Variants in OCRL observed in about 807,000 individuals in gnomAD.
OCRL encodes the protein OCRL inositol polyphosphate-5-phosphatase.
A neutral mutation model predicts 78.9 loss-of-function variants in OCRL; 8 were observed. That is an observed-to-expected ratio of 0.10 (90% CI 0.06 to 0.18). OCRL has a LOEUF of 0.18. OCRL is among the 10% of genes least tolerant of loss of function. The probability of loss-of-function intolerance (pLI) is 1.00; values close to 1 mark genes in which losing one functional copy is unlikely to be tolerated. For missense variants in OCRL, 454 were observed against 696.7 expected (o/e 0.65, Z 3.92); for synonymous variants, 240 against 235.4 (o/e 1.02, Z -0.18).
intron 18 of OCRL, among the ~76,000 whole-genome samples, chrX:129,583,693 T>C (rs947563099): frequency 1.4e-4 from 16 of 111,585 alleles, no homozygotes; most frequent in African/African-American, 4.6e-4. Flanking sequence ...GATACCTTCT[T>C]ACCTATCCCC....
At position 129,575,124 on chromosome X, in the gene OCRL, A is replaced by T. The variant is rs755693014; in HGVS notation, c.1603-16A>T. The T allele has an allele frequency of 8.1e-6, 9 of 1,109,174 alleles. No individual in the cohort carries two copies. In the African/African-American group the frequency reaches 1.3e-4, roughly 16 times the overall value. The allele number at this position is 1,109,174 out of a possible 1,213,427, so 91.4% of individuals were successfully genotyped here. ...AGAAGGATATAAGACTGAAAAGAGG[A>T]TACATTTTCTTTCAGGTGAAGGTTG... On this transcript the variant is annotated splice_polypyrimidine_tract_variant and intron_variant, in intron 15 of 23. Coordinates refer to ENST00000371113, the MANE Select transcript of OCRL (RefSeq NM_000276.4).
At chrX:129,555,431 G>A (rs1182190872) in intron 4 of OCRL, among the ~76,000 whole-genome samples, 1 of 111,589 alleles carries the variant, frequency 9.0e-6, no homozygotes, top group Admixed American at 9.5e-5. Context: ...CCGAGATCAC[G>A]CCACTGTGTT....
intron 9 of OCRL, 35 bp downstream of exon 9, chrX:129,560,686 A>G (rs1391552632): frequency 2.1e-6 from 2 of 957,151 alleles, no homozygotes; most frequent in East Asian, 3.1e-5. Context: ...TTTTGGCTAT[A>G]TGTTTGGTGT....
chrX:129,543,364 T>C (rs1441128036), intron 2 of OCRL, among the ~76,000 whole-genome samples: 1 of 113,017 alleles, frequency 8.8e-6, no homozygotes, highest in Admixed American at 9.3e-5. Flanking sequence ...GAAGCTTTAA[T>C]GCTAATGTTC....
intron 13 of OCRL, among the ~76,000 whole-genome samples, chrX:129,566,224 G>A (rs917816915): frequency 8.9e-6 from 1 of 111,996 alleles, no homozygotes; most frequent in Non-Finnish European, 1.9e-5. Flanking sequence ...CAGCTATGTT[G>A]ATGTGGTTTG....
chrX:129,552,890 A>C (rs764807778), intron 4 of OCRL, among the ~76,000 whole-genome samples: 1 of 112,725 alleles, frequency 8.9e-6, no homozygotes, highest in Non-Finnish European at 1.9e-5. Context: ...TACAGTAGCC[A>C]CTGGCTACAT....
rs1312303778 is a variant in OCRL, at chrX:129,591,559, C to G, written c.*1289C>G. On this transcript the variant is annotated 3_prime_UTR_variant, in exon 24 of 24. Coordinates refer to ENST00000371113, the MANE Select transcript of OCRL (RefSeq NM_000276.4). ...CACCAACCACTGACTGCAAAACTGC[C>G]TGATGCAGTTGGGTTCCTCCTGGTT... is the stretch of plus-strand genomic sequence containing the variant. The G allele has an allele frequency of 8.9e-6, 1 of 112,216 alleles. No homozygotes were observed. Among genetic ancestry groups the G allele is most frequent in the African/African-American group, 3.3e-5 (1 of 30,736 alleles). 9.2% of individuals were successfully genotyped at this position (112,216 alleles called of 1,213,427 possible). A position where few individuals can be genotyped will look rare whatever the true frequency, so the allele number is the denominator to read the frequency against.
intron 15 of OCRL, among the ~76,000 whole-genome samples, chrX:129,569,792 C>T (rs1936272587): frequency 9.4e-6 from 1 of 106,797 alleles, no homozygotes; most frequent in Non-Finnish European, 1.9e-5. Flanking sequence ...ACAGCCAACT[C>T]TGTATATTGT....
intron 12 of OCRL, among the ~76,000 whole-genome samples, chrX:129,564,775 G>A (rs1250106128): frequency 9.1e-6 from 1 of 110,484 alleles, no homozygotes; most frequent in South Asian, 3.9e-4. Flanking sequence ...AATGCTAAAT[G>A]ACGAGTTAAT....
At position 129,591,075 on chromosome X, in the gene OCRL, T is replaced by C. The variant is rs199840810; in HGVS notation, c.*805T>C. 2 of 113,568 alleles carry C rather than the reference T, an allele frequency of 1.8e-5. No individual in the cohort carries two copies. The highest frequency in any genetic ancestry group is 3.8e-5 in the Non-Finnish European group (2 of 53,290). The allele number at this position is 113,568 out of a possible 1,213,427, so 9.4% of individuals were successfully genotyped here. On this transcript the variant is annotated 3_prime_UTR_variant, in exon 24 of 24. Coordinates refer to ENST00000371113, the MANE Select transcript of OCRL (RefSeq NM_000276.4). ...TCCCACTATCCTTTTCCTGTTATTA[T>C]TCAAATTTTACACAAGGACTAATCC...
At chrX:129,587,174 A>G in intron 20 of OCRL, 56 bp downstream of exon 20, 1 of 727,260 alleles carries the variant, frequency 1.4e-6, no homozygotes, top group East Asian at 3.2e-5. Context: ...TACTATAGGA[A>G]ATCACAACAC....
In OCRL at chrX:129,562,750, A is replaced by G; in HGVS notation, c.1208A>G (p.Asn403Ser). Reference protein sequence around the residue: ...ICARMSFVVPNQTLPQLNIMK... With the variant: ...ICARMSFVVPSQTLPQLNIMK... ...GCGAGAATGAGTTTTGTGGTCCCAA[A>G]TCAGACCCTCCCGCAGTTGAACATC... The change falls in exon 12 of 24, where the codon AAT (asparagine) becomes AGT (serine). Residue 403 changes from asparagine (N) to serine (S), a missense_variant. Transcript: ENST00000371113. 8.3e-7 allele frequency: 1 copy of G among 1,211,628 alleles called. No homozygotes were observed. The highest frequency in any genetic ancestry group is 1.1e-6 in the Non-Finnish European group (1 of 895,354).
chrX:129,548,670 A>T, intron 4 of OCRL, 69 bp downstream of exon 4: 1 of 935,138 alleles, frequency 1.1e-6, no homozygotes, highest in Non-Finnish European at 1.5e-6. Flanking sequence ...ACTACATTTA[A>T]GACACCTTTT....
chrX:129,579,348 C>T (rs187131731), intron 18 of OCRL, among the ~76,000 whole-genome samples: 17 of 111,527 alleles, frequency 1.5e-4, no homozygotes, highest in African/African-American at 5.5e-4. Flanking sequence ...TTCCCCAAGA[C>T]CCAATATCGT....
intron 15 of OCRL, among the ~76,000 whole-genome samples, chrX:129,573,451 A>G (rs1461062634): frequency 1.8e-5 from 2 of 110,108 alleles, no homozygotes; most frequent in Non-Finnish European, 3.8e-5. Context: ...TCATTCTTCA[A>G]CTCCCACCTA....
chrX:129,561,700 A>G lies in OCRL; in HGVS notation c.939+407A>G, dbSNP rs6637619. Among the ~76,000 whole-genome samples the G allele has an allele frequency of 0.044, 4,899 of 111,690 alleles. 326 individuals are homozygous for G. The East Asian group carries it at 0.46, about 10-fold the overall frequency. On this transcript the variant is annotated intron_variant, in intron 10 of 23. Coordinates refer to ENST00000371113, the MANE Select transcript of OCRL (RefSeq NM_000276.4). ...GTGGTGTGGAATTTGAACGAGTTCTAAACTTGGTTTTAAGTTAAGAGGAGA... is the reference window on the plus strand; with the variant it reads ...GTGGTGTGGAATTTGAACGAGTTCTGAACTTGGTTTTAAGTTAAGAGGAGA...
chrX:129,540,846 C>G (rs1004259298), intron 2 of OCRL, 23 bp downstream of exon 2: 4 of 1,159,083 alleles, frequency 3.5e-6, no homozygotes, highest in Non-Finnish European at 4.7e-6. Context: ...CTGATTCCCA[C>G]AGAGGAGGGG....
intron 4 of OCRL, 152 bp from the exon 5 acceptor site, chrX:129,557,173 C>T: frequency 9.8e-6 from 5 of 511,438 alleles, no homozygotes; most frequent in Non-Finnish European, 1.7e-5. Context: ...GTCATACTGA[C>T]TCTCTTGATC....
At chrX:129,564,286 G>A (rs1429719271) in intron 12 of OCRL, among the ~76,000 whole-genome samples, 1 of 109,478 alleles carries the variant, frequency 9.1e-6, no homozygotes, top group Non-Finnish European at 1.9e-5. Context: ...CTGTAAACTA[G>A]TTCAACCCTT....
Sources: gnomAD v4.1 joint callset for allele counts (sites outside exome capture counted in the v4.1 genomes callset) on GRCh38, gnomAD v4.1.1 for gene constraint, MANE v1.5 for transcripts, NCBI Gene and HGNC (gene_info 2026-07-23, HGNC 2026-07-21) for gene names.